Variants in CPEB3 observed in about 807,000 individuals in gnomAD.
CPEB3 encodes cytoplasmic polyadenylation element binding protein 3, also known as cytoplasmic polyadenylation element-binding protein 3.
CPEB3 carries 20 observed loss-of-function variants against 67.2 expected under a neutral mutation model. The observed-to-expected ratio is 0.30, with a 90% CI of 0.21 to 0.43. The LOEUF is 0.43. CPEB3 is among the 20% of genes least tolerant of loss of function. The pLI is 1.00. For missense variants in CPEB3, 746 were observed against 968.6 expected (o/e 0.77, Z 3.05); for synonymous variants, 376 against 393.1 (o/e 0.96, Z 0.51).
chr10:92,271,681 G>T (rs879296963), intron 1 of CPEB3, among the ~76,000 whole-genome samples: 1 of 152,180 alleles, frequency 6.6e-6, no homozygotes, highest in Non-Finnish European at 1.5e-5. Flanking sequence ...ACCCACAGCG[G>T]CTATTTAACT....
intron 1 of CPEB3, among the ~76,000 whole-genome samples, chr10:92,247,085 C>T (rs1263353497): frequency 6.6e-6 from 1 of 152,054 alleles, no homozygotes. Context: ...GAAAATGACT[C>T]GAACATAAGC....
At chr10:92,212,716 T>C (rs1850157343) in intron 2 of CPEB3, among the ~76,000 whole-genome samples, 1 of 152,224 alleles carries the variant, frequency 6.6e-6, no homozygotes, top group Non-Finnish European at 1.5e-5. Context: ...TAATAATTTT[T>C]GTATTGATCA....
rs1245733357 is a variant in CPEB3 at position 92,269,093 on chromosome 10, G to C, written c.-12+21833C>G. On this transcript the variant is annotated intron_variant, in intron 1 of 9. Transcript: ENST00000265997. ...AGCTGGATCTTTGTACCCTGCATCA[G>C]CCAATCACTGGCTGTGGGCTCCTTG... Among the ~76,000 whole-genome samples the C allele has an allele frequency of 1.3e-5, 2 of 151,994 alleles. 1 individual carries two copies. Among genetic ancestry groups the C allele is most frequent in the African/African-American group, 4.8e-5 (2 of 41,358 alleles).
At chr10:92,179,411 C>T (rs1415447157) in intron 4 of CPEB3, among the ~76,000 whole-genome samples, 1 of 152,168 alleles carries the variant, frequency 6.6e-6, no homozygotes, top group African/African-American at 2.4e-5. Context: ...TCAATTAGGT[C>T]TTTTCTGAGA....
At chr10:92,177,288 T>C (rs1848263361) in intron 4 of CPEB3, among the ~76,000 whole-genome samples, 2 of 152,198 alleles carry the variant, frequency 1.3e-5, no homozygotes, top group South Asian at 4.1e-4. Flanking sequence ...GGAAAAAATA[T>C]ATTACCTGAT....
At chr10:92,221,403 G>T (rs572720366) in intron 2 of CPEB3, among the ~76,000 whole-genome samples, 2 of 152,308 alleles carry the variant, frequency 1.3e-5, no homozygotes, top group South Asian at 4.1e-4. Context: ...TGAGACAGGA[G>T]AATCTCTTGA....
intron 1 of CPEB3, among the ~76,000 whole-genome samples, chr10:92,287,619 C>G (rs186826442): frequency 1.7e-4 from 26 of 151,996 alleles, no homozygotes; most frequent in Admixed American, 5.9e-4. Context: ...TTTCAGATAC[C>G]CTTATGAACA....
intron 4 of CPEB3, among the ~76,000 whole-genome samples, chr10:92,157,567 CCAAG>C (rs1216451257): frequency 6.6e-6 from 1 of 151,992 alleles, no homozygotes; most frequent in Non-Finnish European, 1.5e-5. Context: ...TGGAAGGGGT[CCAAG>C]CAAGTGAGAG....
chr10:92,275,845 CT>C lies in CPEB3; in HGVS notation c.-12+15080del, dbSNP rs909549413. On this transcript the variant is annotated intron_variant, in intron 1 of 9. Transcript: ENST00000265997. Reference sequence around the variant, plus strand: ...GCATGTATCAGTACTTCATTCTTTTCTTTTTTTTTTTTTTTTTTTTTGAGAC... The same window carrying C: ...GCATGTATCAGTACTTCATTCTTTTCTTTTTTTTTTTTTTTTTTTTGAGAC... Among the ~76,000 whole-genome samples the C allele has an allele frequency of 9.1e-3, 844 of 92,974 alleles. 2 individuals are homozygous for C. The highest frequency in any genetic ancestry group is 0.028 in the African/African-American group (771 of 27,268). 61.0% of individuals were successfully genotyped at this position (92,974 alleles called of 152,430 possible).
rs1338006701 is a variant in CPEB3, at chr10:92,240,186, G to C, written c.165C>G (p.Ala55=). Residue 55 remains alanine (A), a synonymous_variant, in exon 2 of 10, where the codon GCC becomes GCG. Coordinates refer to ENST00000265997, the MANE Select transcript of CPEB3 (RefSeq NM_014912.5). ...CCGGGGGGGCAGCGGCTGGGCTGAG[G>C]GCCGGCACTGCGCTGTTTTCCTCCG... ...PKPEENSAVP[A]LSPAAAPPAP... is the part of the protein sequence containing the mutation. 6.5e-7 allele frequency: 1 copy of C among 1,528,540 alleles called. No homozygotes were observed. Among genetic ancestry groups the C allele is most frequent in the South Asian group, 1.3e-5 (1 of 79,304 alleles). The allele number at this position is 1,528,540 out of a possible 1,614,324, so 94.7% of individuals were successfully genotyped here.
At chr10:92,067,255 C>T (rs899250628) in intron 9 of CPEB3, among the ~76,000 whole-genome samples, 1 of 152,108 alleles carries the variant, frequency 6.6e-6, no homozygotes, top group African/African-American at 2.4e-5. Context: ...AATCACAGCA[C>T]TTTGAGAGGC....
At chr10:92,141,296 C>T (rs1297115427) in intron 6 of CPEB3, among the ~76,000 whole-genome samples, 7 of 151,528 alleles carry the variant, frequency 4.6e-5, no homozygotes, top group South Asian at 2.1e-4. Context: ...GAATACTATG[C>T]AGCCATAAAA....
chr10:92,199,166 C>A (rs1258199280), intron 2 of CPEB3, among the ~76,000 whole-genome samples: 1 of 149,836 alleles, frequency 6.7e-6, no homozygotes, highest in Non-Finnish European at 1.5e-5. Flanking sequence ...CTGAGGCAGG[C>A]GGATCACCTG....
At chr10:92,120,508 C>T (rs560589572) in intron 6 of CPEB3, among the ~76,000 whole-genome samples, 3 of 152,080 alleles carry the variant, frequency 2.0e-5, no homozygotes, top group Admixed American at 6.5e-5. Flanking sequence ...GGCCAGAACC[C>T]AGGAGGCGGA....
chr10:92,117,631 T>C (rs538135690), intron 6 of CPEB3, among the ~76,000 whole-genome samples: 1 of 152,018 alleles, frequency 6.6e-6, no homozygotes, highest in Non-Finnish European at 1.5e-5. Flanking sequence ...TGCCCAGTAG[T>C]GATTTTTTTC....
At chr10:92,263,472 T>C (rs1198109491) in intron 1 of CPEB3, among the ~76,000 whole-genome samples, 1 of 152,232 alleles carries the variant, frequency 6.6e-6, no homozygotes, top group Non-Finnish European at 1.5e-5. Context: ...GTCCAGTGGA[T>C]GGGATGGTCT....
rs377442645 is a variant in CPEB3, at chr10:92,093,683, A to C, written c.1573-1739T>G. On this transcript the variant is annotated intron_variant, in intron 7 of 9. Coordinates refer to ENST00000265997, the MANE Select transcript of CPEB3 (RefSeq NM_014912.5). ...ATGCCCGGTTAATTTTTGTATTTTT[A>C]GTAGAGACAAGGTTTCACCATGTTG... Among the ~76,000 whole-genome samples the C allele has an allele frequency of 9.9e-5, 15 of 152,042 alleles. No homozygotes were observed. The South Asian group carries it at 2.7e-3, about 27-fold the overall frequency.
At position 92,177,395 on chromosome 10, in the gene CPEB3, C is replaced by T. The variant is rs146842077; in HGVS notation, c.1222+3568G>A. ...GATGGATTGGAGTTTCTTCCCCCTA[C>T]CTCCCCTTCTATATTCTGTAATACT... On this transcript the variant is annotated intron_variant, in intron 4 of 9. Coordinates refer to ENST00000265997, the MANE Select transcript of CPEB3 (RefSeq NM_014912.5). Among the ~76,000 whole-genome samples, 501 of 152,256 alleles carry T rather than the reference C, an allele frequency of 3.3e-3. 4 individuals carry two copies. Among genetic ancestry groups the T allele is most frequent in the African/African-American group, 0.011 (470 of 41,538 alleles).
intron 2 of CPEB3, among the ~76,000 whole-genome samples, chr10:92,231,321 A>G (rs1261668065): frequency 6.6e-6 from 1 of 152,224 alleles, no homozygotes; most frequent in Non-Finnish European, 1.5e-5. Context: ...CTGAATATCA[A>G]CAATATTTCC....
Sources: gnomAD v4.1 joint callset for allele counts (sites outside exome capture counted in the v4.1 genomes callset) on GRCh38, gnomAD v4.1.1 for gene constraint, MANE v1.5 for transcripts, NCBI Gene and HGNC (gene_info 2026-07-23, HGNC 2026-07-21) for gene names.